The following TMEM132C variants were observed in gnomAD, a reference collection of about 807,000 sequenced individuals.
TMEM132C encodes the protein transmembrane protein 132C, also known as protein phosphatase 1, regulatory subunit 152.
Under a neutral mutation model 61.4 loss-of-function variants are expected in TMEM132C, and 29 were observed. The observed-to-expected ratio is 0.47, with a 90% confidence interval of 0.35 to 0.64. The LOEUF (loss-of-function observed/expected upper bound fraction) is 0.64, where lower values mean the gene tolerates loss of function less well. TMEM132C is among the 30% of genes least tolerant of loss of function. The pLI is 0.00. For synonymous variants in TMEM132C, 656 were observed against 633.1 expected, an observed-to-expected ratio of 1.04 and a Z score of -0.54; for missense variants, 1,408 against 1,476.9, an observed-to-expected ratio of 0.95 and a Z score of 0.76.
chr12:128,698,000 C>T (rs1332766738), intron 8 of TMEM132C, among the ~76,000 whole-genome samples: 2 of 152,196 alleles, frequency 1.3e-5, no homozygotes, highest in Non-Finnish European at 2.9e-5. Flanking sequence ...TGCCTTTGCT[C>T]ACAGCGAATG....
chr12:128,349,480 G>A (rs548692363), intron 1 of TMEM132C, among the ~76,000 whole-genome samples: 2 of 152,178 alleles, frequency 1.3e-5, no homozygotes, highest in Admixed American at 6.5e-5. Context: ...CGGGGGTTGG[G>A]GGTTTATGCT....
intron 1 of TMEM132C, 108 bp downstream of exon 1, chr12:128,267,595 G>A: frequency 1.1e-6 from 1 of 922,226 alleles, no homozygotes; most frequent in African/African-American, 1.8e-5. Context: ...GGGCCTCGGC[G>A]GGGGCTCGGA....
In TMEM132C at chr12:128,569,370, C is replaced by A. The variant is rs927209139; in HGVS notation, c.1121+25267C>A. Among the ~76,000 whole-genome samples, 3 of 152,184 alleles carry A rather than the reference C, an allele frequency of 2.0e-5. No homozygotes were observed. The East Asian group carries it at 5.8e-4, about 29-fold the overall frequency. On this transcript the variant is annotated intron_variant, in intron 3 of 8. Coordinates refer to ENST00000435159, the MANE Select transcript of TMEM132C (RefSeq NM_001136103.3). The stretch of plus-strand genomic sequence containing the variant: ...GCCTTCTTCGGTCTCCTTCCTGCAG[C>A]AAAAATCAGGCCCAAGTATATTTTT...
intron 4 of TMEM132C, among the ~76,000 whole-genome samples, chr12:128,662,458 A>G (rs1180390256): frequency 6.6e-6 from 1 of 152,204 alleles, no homozygotes; most frequent in Non-Finnish European, 1.5e-5. Flanking sequence ...ATAGCAAGAA[A>G]AGGGCAGAGC....
At chr12:128,556,785 C>A (rs1294193499) in intron 3 of TMEM132C, among the ~76,000 whole-genome samples, 2 of 152,094 alleles carry the variant, frequency 1.3e-5, no homozygotes, top group Non-Finnish European at 2.9e-5. Context: ...AAAGGAGGAC[C>A]CCCGAGCCTT....
intron 2 of TMEM132C, among the ~76,000 whole-genome samples, chr12:128,443,141 T>TGAGA (rs375633151): frequency 0.023 from 3,361 of 148,570 alleles, 140 homozygotes; most frequent in African/African-American, 0.076. Flanking sequence ...ATATATATAT[T>TGAGA]GAGAGAGAGA....
intron 2 of TMEM132C, among the ~76,000 whole-genome samples, chr12:128,433,701 G>A (rs115756660): frequency 1.1e-3 from 167 of 152,248 alleles, no homozygotes; most frequent in African/African-American, 3.9e-3. Context: ...AAACCCCCTG[G>A]GAAATTTGGA....
At position 128,553,106 on chromosome 12, in the gene TMEM132C, G is replaced by A. The variant is rs555578219; in HGVS notation, c.1121+9003G>A. On this transcript the variant is annotated intron_variant, in intron 3 of 8. Transcript: ENST00000435159. ...GGCCACATTGGAAGAATTGTCTTTGGGCCACACATAATATATGCTAACACT... is the reference window on the plus strand; with the variant it reads ...GGCCACATTGGAAGAATTGTCTTTGAGCCACACATAATATATGCTAACACT... Among the ~76,000 whole-genome samples, 13 of 152,188 alleles carry A rather than the reference G, an allele frequency of 8.5e-5. No homozygotes were observed. The East Asian group carries it at 2.3e-3, about 27-fold the overall frequency.
intron 1 of TMEM132C, among the ~76,000 whole-genome samples, chr12:128,408,637 A>G (rs1868400452): frequency 6.6e-6 from 1 of 152,214 alleles, no homozygotes; most frequent in Admixed American, 6.5e-5. Flanking sequence ...CTGGAATGTC[A>G]TACCTCGGCA....
At chr12:128,420,589 G>A (rs750734204) in intron 2 of TMEM132C, among the ~76,000 whole-genome samples, 5 of 152,214 alleles carry the variant, frequency 3.3e-5, no homozygotes, top group African/African-American at 9.6e-5. Flanking sequence ...GGAATGTCAC[G>A]ATGTAACTTA....
At chr12:128,438,476 A>T (rs112276995) in intron 2 of TMEM132C, among the ~76,000 whole-genome samples, 1 of 152,180 alleles carries the variant, frequency 6.6e-6, no homozygotes, top group Non-Finnish European at 1.5e-5. Flanking sequence ...CCAGATTCAG[A>T]TGCCCAATCC....
At position 128,681,854 on chromosome 12, in the gene TMEM132C, G is replaced by C. The variant is rs549613114; in HGVS notation, c.1450-11975G>C. On this transcript the variant is annotated intron_variant, in intron 5 of 8. Coordinates refer to ENST00000435159, the MANE Select transcript of TMEM132C (RefSeq NM_001136103.3). Reference sequence around the variant, plus strand: ...TTTTTTTTTTTTTGTATTTTTAGTAGAGACAGGGTTTCACTATGTTGGCCA... The same window carrying C: ...TTTTTTTTTTTTTGTATTTTTAGTACAGACAGGGTTTCACTATGTTGGCCA... Among the ~76,000 whole-genome samples, 437 of 114,270 alleles carry C rather than the reference G, an allele frequency of 3.8e-3. 5 individuals are homozygous for C. The highest frequency in any genetic ancestry group is 0.014 in the African/African-American group (418 of 29,128). 75.0% of individuals were successfully genotyped at this position (114,270 alleles called of 152,430 possible). A position where few individuals can be genotyped will look rare whatever the true frequency, so the allele number is the denominator to read the frequency against.
intron 8 of TMEM132C, among the ~76,000 whole-genome samples, chr12:128,699,499 A>G (rs1342570195): frequency 6.6e-6 from 1 of 152,184 alleles, no homozygotes. Context: ...TAGTTCCACA[A>G]GTCCACCTGC....
rs577741464 is a variant in TMEM132C at position 128,706,178 on chromosome 12, G to A, written c.3210G>A (p.Thr1070=). ...TCCCCCCGGACGACAGCTGCCCCAC[G>A]GTGAACTCCATCGTCAGCAGCAATG... is the stretch of plus-strand genomic sequence containing the variant. ...TTIPPDDSCP[T]VNSIVSSNDE... is the part of the protein sequence containing the mutation. The change falls in exon 9 of 9, where the codon ACG becomes ACA. Residue 1070 remains threonine (T), a synonymous_variant. Coordinates refer to ENST00000435159, the MANE Select transcript of TMEM132C (RefSeq NM_001136103.3). The A allele has an allele frequency of 4.0e-5, 62 of 1,550,676 alleles. No individual in the cohort carries two copies. In the Middle Eastern group the frequency reaches 1.8e-3, roughly 46 times the overall value.
intron 4 of TMEM132C, among the ~76,000 whole-genome samples, chr12:128,637,795 A>C (rs927451907): frequency 6.6e-6 from 1 of 152,166 alleles, no homozygotes; most frequent in African/African-American, 2.4e-5. Flanking sequence ...GTGGGATCCC[A>C]CAGTTGGCAC....
chr12:128,299,354 C>A (rs1871523461), intron 1 of TMEM132C, among the ~76,000 whole-genome samples: 1 of 152,082 alleles, frequency 6.6e-6, no homozygotes, highest in Non-Finnish European at 1.5e-5. Context: ...TAATGTATAC[C>A]TGGATGCCTG....
chr12:128,511,467 G>T (rs1188609261), intron 2 of TMEM132C, among the ~76,000 whole-genome samples: 1 of 152,192 alleles, frequency 6.6e-6, no homozygotes, highest in Non-Finnish European at 1.5e-5. Context: ...CGTATCCCTG[G>T]TTCCAGTTCC....
At chr12:128,503,692 A>G (rs1382155361) in intron 2 of TMEM132C, among the ~76,000 whole-genome samples, 4 of 152,332 alleles carry the variant, frequency 2.6e-5, no homozygotes, top group Non-Finnish European at 4.4e-5. Flanking sequence ...GGAAGGTTCT[A>G]TCGTTCTCTC....
In TMEM132C at chr12:128,630,289, G is replaced by T. The variant is rs529763760; in HGVS notation, c.1305+13954G>T. Among the ~76,000 whole-genome samples, 1 of 152,244 alleles carries T rather than the reference G, an allele frequency of 6.6e-6. No homozygotes were observed. The highest frequency in any genetic ancestry group is 1.5e-5 in the Non-Finnish European group (1 of 68,018). On this transcript the variant is annotated intron_variant, in intron 4 of 8. Coordinates refer to ENST00000435159, the MANE Select transcript of TMEM132C (RefSeq NM_001136103.3). The surrounding 1 kb of genome is among the most constrained non-coding windows in gnomAD (Gnocchi z 4.3). ...ACTGACGGCCCATGAGGGTCACTAG[G>T]GGGCAGGGGCTGGAGCTTCTGGCCA...
Sources: allele counts gnomAD v4.1 joint callset (sites outside exome capture counted in the v4.1 genomes callset), GRCh38; gene constraint gnomAD v4.1.1; non-coding constraint Gnocchi (gnomAD v3.1); transcripts MANE v1.5; gene names NCBI Gene and HGNC (gene_info 2026-07-23, HGNC 2026-07-21).